CDON: variants seen among roughly 807,000 people sequenced by gnomAD.
CDON encodes cell adhesion associated, oncogene regulated.
A neutral mutation model predicts 120.9 loss-of-function variants in CDON; 73 were observed. That is an observed-to-expected ratio of 0.60 (90% CI 0.50 to 0.73). The LOEUF (loss-of-function observed/expected upper bound fraction) is 0.73, where lower values mean the gene tolerates loss of function less well. Ranked by LOEUF, CDON falls within the 30% of genes least tolerant of loss-of-function variation. The probability of loss-of-function intolerance (pLI) is 0.00; values close to 1 mark genes in which losing one functional copy is unlikely to be tolerated. For synonymous variants in CDON, 566 were observed against 573.5 expected, an observed-to-expected ratio of 0.99 and a Z score of 0.19; for missense variants, 1,470 against 1,587.3, an observed-to-expected ratio of 0.93 and a Z score of 1.26.
intron 19 of CDON, 33 bp from the exon 20 acceptor site, chr11:125,961,138 A>C: frequency 6.2e-7 from 1 of 1,600,168 alleles, no homozygotes; most frequent in Non-Finnish European, 8.6e-7. Flanking sequence ...AGCATTATCA[A>C]ATGATAAAGG....
chr11:125,966,558 T>C (rs1945807070), intron 18 of CDON, among the ~76,000 whole-genome samples: 2 of 152,196 alleles, frequency 1.3e-5, no homozygotes, highest in Non-Finnish European at 2.9e-5. Context: ...GAAGCCGCAC[T>C]GGAGACACAG....
intron 18 of CDON, among the ~76,000 whole-genome samples, chr11:125,977,236 G>A: frequency 6.6e-6 from 1 of 152,236 alleles, no homozygotes; most frequent in South Asian, 2.1e-4. Context: ...GAAGCAGATG[G>A]CTCTTTTATA....
At chr11:125,992,666 T>C (rs955242024) in intron 14 of CDON, among the ~76,000 whole-genome samples, 3 of 152,234 alleles carry the variant, frequency 2.0e-5, no homozygotes, top group Non-Finnish European at 4.4e-5. Context: ...GCATTAAAAA[T>C]TGGATCATAA....
rs546137781 is a variant in CDON, at chr11:125,981,969, T to C, written c.2996-640A>G. 2.7e-3 allele frequency among the ~76,000 whole-genome samples: 330 copies of C among 122,948 alleles called. 5 individuals are homozygous for C. The highest frequency in any genetic ancestry group is 0.011 in the African/African-American group (297 of 27,514). 80.7% of individuals were successfully genotyped at this position (122,948 alleles called of 152,430 possible). A position where few individuals can be genotyped will look rare whatever the true frequency, so the allele number is the denominator to read the frequency against. ...CCAAAGGCAAAAAGTGATTCTATTT[T>C]CTTTTTTTTTTTTTTTTTTTTTTTT... On this transcript the variant is annotated intron_variant, in intron 16 of 19. Coordinates refer to ENST00000531738, the MANE Select transcript of CDON (RefSeq NM_001378964.1).
intron 1 of CDON, among the ~76,000 whole-genome samples, chr11:126,032,719 G>A (rs561837167): frequency 4.6e-5 from 7 of 152,254 alleles, no homozygotes; most frequent in Admixed American, 3.9e-4. Flanking sequence ...TTTAAAAGAC[G>A]TAAGAGGCCA....
intron 2 of CDON, among the ~76,000 whole-genome samples, chr11:126,023,159 A>T (rs555117584): frequency 2.3e-4 from 35 of 151,912 alleles, no homozygotes; most frequent in Admixed American, 9.9e-4. Flanking sequence ...ATTTTTTTTT[A>T]AAAAATGAAA....
chr11:125,962,131 A>C, intron 18 of CDON, 133 bp from the exon 19 acceptor site: 1 of 742,420 alleles, frequency 1.3e-6, no homozygotes, highest in East Asian at 2.7e-5. Flanking sequence ...AAAAACAACT[A>C]AATGATTCAC....
intron 1 of CDON, among the ~76,000 whole-genome samples, chr11:126,059,963 CATTTA>C (rs776014115): frequency 6.6e-6 from 1 of 151,060 alleles, no homozygotes; most frequent in African/African-American, 2.4e-5. Flanking sequence ...ACCAGTTTTT[CATTTA>C]ATTGTAATCC....
intron 1 of CDON, among the ~76,000 whole-genome samples, chr11:126,039,175 T>C (rs1948184790): frequency 6.6e-6 from 1 of 152,180 alleles, no homozygotes; most frequent in South Asian, 2.1e-4. Context: ...GCATAAATCT[T>C]ACAGGTGAAG....
chr11:125,970,623 T>C (rs1335951873), intron 18 of CDON, among the ~76,000 whole-genome samples: 1 of 152,234 alleles, frequency 6.6e-6, no homozygotes, highest in Admixed American at 6.5e-5. Context: ...TCTTCCCTTC[T>C]CGATATCTGC....
intron 1 of CDON, among the ~76,000 whole-genome samples, chr11:126,037,988 G>A (rs537897876): frequency 7.2e-5 from 11 of 152,046 alleles, no homozygotes; most frequent in Non-Finnish European, 1.3e-4. Context: ...GAGGAAAGGG[G>A]GAAAAAACAG....
Position 126,000,180 on chromosome 11 carries a change from T to C in CDON, c.2158+1539A>G, listed in dbSNP as rs955769634. On this transcript the variant is annotated intron_variant, in intron 11 of 19. Transcript: ENST00000531738. The stretch of plus-strand genomic sequence containing the variant: ...ATTATCCACATATTGTTAATGGGTT[T>C]AGGTATTTATATCATCCACTATACT... Among the ~76,000 whole-genome samples, 78 of 151,830 alleles carry C rather than the reference T, an allele frequency of 5.1e-4. 2 individuals are homozygous for C. Among genetic ancestry groups the C allele is most frequent in the African/African-American group, 1.8e-3 (74 of 41,278 alleles).
chr11:125,981,591 A>T (rs1052497506), intron 16 of CDON, among the ~76,000 whole-genome samples: 4 of 152,214 alleles, frequency 2.6e-5, no homozygotes, highest in African/African-American at 9.7e-5. Context: ...AGTTACTGCT[A>T]TTATTTTCCA....
chr11:126,028,716 ATTTATTT>A (rs1010738157), intron 1 of CDON, among the ~76,000 whole-genome samples: 4 of 145,368 alleles, frequency 2.8e-5, no homozygotes, highest in African/African-American at 7.6e-5. Flanking sequence ...GAATTTATTT[ATTTATTT>A]ATTTATTTAT....
intron 1 of CDON, among the ~76,000 whole-genome samples, chr11:126,027,415 T>G (rs773709063): frequency 2.0e-5 from 3 of 152,206 alleles, no homozygotes; most frequent in Non-Finnish European, 4.4e-5. Flanking sequence ...AAGTACTATC[T>G]TTATCAAAAA....
chr11:125,990,815 T>C (rs991105732), intron 14 of CDON, among the ~76,000 whole-genome samples: 6 of 152,134 alleles, frequency 3.9e-5, no homozygotes, highest in African/African-American at 1.4e-4. Flanking sequence ...CCTTCACTTG[T>C]ACAGACCCGC....
At chr11:126,035,569 G>A (rs996876480) in intron 1 of CDON, among the ~76,000 whole-genome samples, 2 of 152,102 alleles carry the variant, frequency 1.3e-5, no homozygotes, top group African/African-American at 4.8e-5. Context: ...TTGATAAAGG[G>A]GTTCTTCAAG....
chr11:125,957,599 G>A lies in CDON; in HGVS notation c.*3343C>T, dbSNP rs576469776. On this transcript the variant is annotated 3_prime_UTR_variant, in exon 20 of 20. Transcript: ENST00000531738. Reference sequence around the variant, plus strand: ...TACTTTTCAATATGATACAAAGCATGCATCTCAAAGTCATTACTTTAAAAG... The same window carrying A: ...TACTTTTCAATATGATACAAAGCATACATCTCAAAGTCATTACTTTAAAAG... 7.9e-5 allele frequency: 12 copies of A among 152,270 alleles called. No individual in the cohort carries two copies. The South Asian group carries it at 8.3e-4, about 11-fold the overall frequency. The allele number at this position is 152,270 out of a possible 1,614,324, so 9.4% of individuals were successfully genotyped here. A position where few individuals can be genotyped will look rare whatever the true frequency, so the allele number is the denominator to read the frequency against.
rs760040401 is a variant in CDON at position 126,042,145 on chromosome 11, A to G, written c.-61-18608T>C. Among the ~76,000 whole-genome samples, 43 of 152,300 alleles carry G rather than the reference A, an allele frequency of 2.8e-4. No homozygotes were observed. The Middle Eastern group carries it at 0.014, about 48-fold the overall frequency. Reference sequence around the variant, plus strand: ...GTGATCTGCCTGCCTCGGCCTCCCAAAGTGCTGGGATTACAGGCGTGAGCC... The same window carrying G: ...GTGATCTGCCTGCCTCGGCCTCCCAGAGTGCTGGGATTACAGGCGTGAGCC... On this transcript the variant is annotated intron_variant, in intron 1 of 19. Coordinates refer to ENST00000531738, the MANE Select transcript of CDON (RefSeq NM_001378964.1).
Sources: gnomAD v4.1 joint callset for allele counts (sites outside exome capture counted in the v4.1 genomes callset) on GRCh38, gnomAD v4.1.1 for gene constraint, MANE v1.5 for transcripts, NCBI Gene and HGNC (gene_info 2026-07-23, HGNC 2026-07-21) for gene names.